UCHL1: variants seen among roughly 807,000 people sequenced by gnomAD.
The protein encoded by UCHL1 is ubiquitin carboxyl-terminal hydrolase isozyme L1.
UCHL1 carries 5 observed loss-of-function variants against 33.3 expected under a neutral mutation model. The ratio of observed to expected loss-of-function variants is 0.15; its 90% CI spans 0.08 to 0.32. The LOEUF is 0.32. Among genes scored for constraint, UCHL1 ranks in the 10% least tolerant of loss-of-function variants. The pLI is 1.00. For synonymous variants in UCHL1, 132 were observed against 108.8 expected (o/e 1.21, Z -1.33); for missense variants, 236 against 280.0 (o/e 0.84, Z 1.12).
At chr4:41,260,914 TG>T (rs1263932158) in intron 4 of UCHL1, 117 bp downstream of exon 4, 1 of 1,442,128 alleles carries the variant, frequency 6.9e-7, no homozygotes, top group African/African-American at 1.4e-5. Context: ...TTTGTAATGA[TG>T]GTGTCAGACA....
At chr4:41,260,887 G>C in intron 4 of UCHL1, 90 bp downstream of exon 4, 2 of 1,579,194 alleles carry the variant, frequency 1.3e-6, no homozygotes, top group African/African-American at 1.3e-5. Flanking sequence ...CAGAGATGCT[G>C]TACCTTTTGA....
At chr4:41,262,630 T>TA (rs113833813) in intron 6 of UCHL1, among the ~76,000 whole-genome samples, 26,788 of 144,952 alleles carry the variant, frequency 0.18, 3,049 homozygotes, top group East Asian at 0.52. Context: ...GTGTCCTTTT[T>TA]AAAAAAAAAA....
At position 41,267,976 on chromosome 4, in the gene UCHL1, C is replaced by G; in HGVS notation, c.586-11C>G. 6.2e-7 allele frequency: 1 copy of G among 1,611,572 alleles called. No individual in the cohort carries two copies. The highest frequency in any genetic ancestry group is 8.5e-7 in the Non-Finnish European group (1 of 1,178,714). ...TGCTGTTTGGATTTTAATGACATTT[C>G]TCCTTTCCAGGACGCTGCCAAGGTC... On this transcript the variant is annotated splice_polypyrimidine_tract_variant and intron_variant, in intron 8 of 8. Coordinates refer to ENST00000284440, the MANE Select transcript of UCHL1 (RefSeq NM_004181.5).
intron 2 of UCHL1, 80 bp downstream of exon 2, chr4:41,257,206 G>A: frequency 6.2e-7 from 1 of 1,607,354 alleles, no homozygotes; most frequent in East Asian, 2.2e-5. Context: ...CCGGCTGCTG[G>A]CAGGGACCAA....
chr4:41,265,717 A>T (rs910924561), intron 8 of UCHL1, among the ~76,000 whole-genome samples: 1 of 152,230 alleles, frequency 6.6e-6, no homozygotes, highest in Non-Finnish European at 1.5e-5. Context: ...CTAGTGGACC[A>T]CATTATGCCA....
chr4:41,264,412 C>T (rs936290225), intron 8 of UCHL1: 5 of 551,158 alleles, frequency 9.1e-6, no homozygotes, highest in South Asian at 4.0e-5. Flanking sequence ...TTAGAATTAG[C>T]CTGAAAGCTG....
At chr4:41,263,009 A>C (rs1781097158) in intron 6 of UCHL1, among the ~76,000 whole-genome samples, 1 of 152,170 alleles carries the variant, frequency 6.6e-6, no homozygotes, top group Non-Finnish European at 1.5e-5. Context: ...CCTCAGTAAA[A>C]ATCCTGTAGT....
chr4:41,261,140 T>A (rs535147666), intron 4 of UCHL1, among the ~76,000 whole-genome samples: 2 of 152,216 alleles, frequency 1.3e-5, no homozygotes, highest in East Asian at 3.8e-4. Context: ...GTCAGATGTC[T>A]CTATGCTGGA....
intron 8 of UCHL1, among the ~76,000 whole-genome samples, chr4:41,267,477 G>C (rs74504715): frequency 0.19 from 28,873 of 152,010 alleles, 3,373 homozygotes; most frequent in East Asian, 0.54. Context: ...CTATCTCCCA[G>C]CCTCGTGATC....
At chr4:41,263,191 C>G (rs762150123) in intron 6 of UCHL1, 34 bp from the exon 7 acceptor site, 48 of 1,531,112 alleles carry the variant, frequency 3.1e-5, no homozygotes, top group Non-Finnish European at 2.9e-5. Flanking sequence ...ATACAGCTTA[C>G]ACTCATTTTC....
At chr4:41,260,075 A>G (rs1466900775) in intron 3 of UCHL1, among the ~76,000 whole-genome samples, 1 of 152,190 alleles carries the variant, frequency 6.6e-6, no homozygotes, top group African/African-American at 2.4e-5. Flanking sequence ...ACCCTGGATC[A>G]GTTGTCTTTT....
chr4:41,262,630 T>A lies in UCHL1; in HGVS notation c.460-595T>A, dbSNP rs1474244492. 8.3e-4 allele frequency among the ~76,000 whole-genome samples: 121 copies of A among 145,170 alleles called. 1 individual carries two copies. Among genetic ancestry groups the A allele is most frequent in the South Asian group, 2.2e-3 (10 of 4,590 alleles). On this transcript the variant is annotated intron_variant, in intron 6 of 8. Transcript: ENST00000284440. ...TTAAGTCAGATCTCAGTGTCCTTTTTAAAAAAAAAAAAAAGTTGACAAGGT... is the reference window on the plus strand; with the variant it reads ...TTAAGTCAGATCTCAGTGTCCTTTTAAAAAAAAAAAAAAAGTTGACAAGGT...
intron 3 of UCHL1, among the ~76,000 whole-genome samples, chr4:41,260,131 C>T (rs966901179): frequency 3.9e-5 from 6 of 152,160 alleles, no homozygotes; most frequent in Non-Finnish European, 7.4e-5. Flanking sequence ...TTCACTTGTT[C>T]TTTTCAGCAG....
At chr4:41,265,026 C>T (rs571912844) in intron 8 of UCHL1, among the ~76,000 whole-genome samples, 1 of 152,302 alleles carries the variant, frequency 6.6e-6, no homozygotes, top group South Asian at 2.1e-4. Context: ...GTATTCAGTT[C>T]TGCTGTTACA....
intron 8 of UCHL1, among the ~76,000 whole-genome samples, chr4:41,265,492 C>T (rs1341692652): frequency 6.6e-6 from 1 of 152,142 alleles, no homozygotes; most frequent in Non-Finnish European, 1.5e-5. Context: ...GCACAAGAAT[C>T]ACTTGTTACC....
intron 8 of UCHL1, among the ~76,000 whole-genome samples, chr4:41,264,709 G>A (rs1781125709): frequency 6.6e-6 from 1 of 152,148 alleles, no homozygotes; most frequent in Non-Finnish European, 1.5e-5. Flanking sequence ...ACAGAAAAGT[G>A]ATTCTGGGCA....
chr4:41,260,135 T>A (rs1781047557), intron 3 of UCHL1, among the ~76,000 whole-genome samples: 1 of 152,214 alleles, frequency 6.6e-6, no homozygotes, highest in African/African-American at 2.4e-5. Context: ...CTTGTTCTTT[T>A]CAGCAGTTAA....
intron 8 of UCHL1, among the ~76,000 whole-genome samples, chr4:41,267,074 A>G (rs1426038050): frequency 6.6e-6 from 1 of 152,170 alleles, no homozygotes; most frequent in Non-Finnish European, 1.5e-5. Context: ...TCCCAAAACA[A>G]TTATATCCTA....
At position 41,264,269 on chromosome 4, in the gene UCHL1, G is replaced by C. The variant is rs1294547641; in HGVS notation, c.585+108G>C. 6.5e-6 allele frequency: 9 copies of C among 1,395,228 alleles called. No homozygotes were observed. In the African/African-American group the frequency reaches 1.1e-4, roughly 18 times the overall value. 86.4% of individuals were successfully genotyped at this position (1,395,228 alleles called of 1,614,324 possible). A position where few individuals can be genotyped will look rare whatever the true frequency, so the allele number is the denominator to read the frequency against. On this transcript the variant is annotated intron_variant, in intron 8 of 8. Transcript: ENST00000284440. The stretch of plus-strand genomic sequence containing the variant: ...CAGTATAGCCAGCATCAGTTGCCTG[G>C]GTTAATAGCAGTCTTTAGGGCTGCA...
Sources: allele counts gnomAD v4.1 joint callset (sites outside exome capture counted in the v4.1 genomes callset), GRCh38; gene constraint gnomAD v4.1.1; transcripts MANE v1.5; gene names NCBI Gene and HGNC (gene_info 2026-07-23, HGNC 2026-07-21).